The following DOCK7 variants were observed in gnomAD, a reference collection of about 807,000 sequenced individuals.
DOCK7 encodes dedicator of cytokinesis 7.
DOCK7 carries 138 observed loss-of-function variants against 271.0 expected under a neutral mutation model. The observed-to-expected ratio is 0.51, with a 90% confidence interval of 0.44 to 0.59. The LOEUF (loss-of-function observed/expected upper bound fraction) is 0.59, where lower values mean the gene tolerates loss of function less well. DOCK7 is among the 20% of genes least tolerant of loss of function. The pLI is 0.00. For synonymous variants in DOCK7, 823 were observed against 876.1 expected, an observed-to-expected ratio of 0.94 and a Z score of 1.07; for missense variants, 2,066 against 2,592.4, an observed-to-expected ratio of 0.80 and a Z score of 4.41.
intron 1 of DOCK7, chr1:62,687,711 G>T (rs886678056): frequency 5.3e-5 from 8 of 152,332 alleles, no homozygotes; most frequent in African/African-American, 1.7e-4. Context: ...AGAGAGAGAC[G>T]CGTGAAGGAG....
chr1:62,533,748 G>T (rs1014334276), intron 29 of DOCK7, among the ~76,000 whole-genome samples: 1 of 152,156 alleles, frequency 6.6e-6, no homozygotes, highest in African/African-American at 2.4e-5. Context: ...ATTCGGTATT[G>T]ACTATGCCCC....
rs1645952509 is a variant in DOCK7, at chr1:62,475,765, G to C, written c.5903C>G (p.Thr1968Ser). 1 of 1,614,046 alleles carries C rather than the reference G, an allele frequency of 6.2e-7. No homozygotes were observed. Among genetic ancestry groups the C allele is most frequent in the East Asian group, 2.2e-5 (1 of 44,862 alleles). Residue 1968 changes from threonine to serine, a missense_variant, in exon 46 of 50, where the codon ACT (threonine) becomes AGT (serine). Thr to Ser is a moderately conservative substitution (Grantham distance 58, BLOSUM62 1). Around this residue, in one of 2 missense-constraint regions of DOCK7, gnomAD observed 652 missense variants for 922.1 expected, o/e 0.71. Transcript: ENST00000635253. Reference protein sequence around the residue: ...HEQFKRKTILTTSHAFPYIKT... With the variant: ...HEQFKRKTILSTSHAFPYIKT... ...AATATAAGGAAAGGCATGAGACGTA[G>C]TCAGAATGGTCTTCCTTTTGAATTG...
rs1341417715 is a variant in DOCK7 at position 62,528,153 on chromosome 1, T to C, written c.3934A>G (p.Thr1312Ala). Residue 1312 changes from threonine (T) to alanine (A), a missense_variant and splice_region_variant, in exon 31 of 50, where the codon ACG (threonine) becomes GCG (alanine). Physicochemically the swap from Thr to Ala is moderately conservative, Grantham distance 58 (BLOSUM62 0). Around this residue, in one of 2 missense-constraint regions of DOCK7, gnomAD observed 1,414 missense variants for 1,670.4 expected, o/e 0.85. Transcript: ENST00000635253. Reference protein sequence around the residue: ...TRPGSFLLTSTSGRQHTTFSA... With the variant: ...TRPGSFLLTSASGRQHTTFSA... The stretch of plus-strand genomic sequence containing the variant: ...TTCTGTAGGAGGATTGTTTTTACCG[T>C]TGACGTGAGGAGGAAACTGCCAGGC... The C allele has an allele frequency of 1.9e-6, 3 of 1,608,926 alleles. No individual in the cohort carries two copies. In the East Asian group the frequency reaches 6.7e-5, roughly 36 times the overall value.
chr1:62,646,778 T>C (rs1462569653), intron 7 of DOCK7, among the ~76,000 whole-genome samples: 1 of 152,128 alleles, frequency 6.6e-6, no homozygotes, highest in Non-Finnish European at 1.5e-5. Context: ...AGGTAAGGAG[T>C]TTCTTCCTGG....
chr1:62,672,788 A>AC (rs1458909729), intron 1 of DOCK7, among the ~76,000 whole-genome samples: 7 of 152,166 alleles, frequency 4.6e-5, no homozygotes, highest in Non-Finnish European at 1.5e-5. Context: ...TATGAAAGGT[A>AC]GAGGCAGGGT....
rs573535166 is a variant in DOCK7, at chr1:62,609,914, G to A, written c.1682+8792C>T. Among the ~76,000 whole-genome samples the A allele has an allele frequency of 9.2e-5, 14 of 152,124 alleles. 1 individual carries two copies. In the East Asian group the frequency reaches 1.9e-3, roughly 21 times the overall value. ...AGTGGCACTGCACAGTGAGCTGAGT[G>A]ATCTCAGCTCTCTGCAACCTCCGCC... On this transcript the variant is annotated intron_variant, in intron 14 of 49. Coordinates refer to ENST00000635253, the MANE Select transcript of DOCK7 (RefSeq NM_001367561.1).
chr1:62,602,999 C>T (rs1650383325), intron 14 of DOCK7, among the ~76,000 whole-genome samples: 1 of 151,632 alleles, frequency 6.6e-6, no homozygotes. Context: ...TAAGTACTCA[C>T]TTATAAAGTA....
At chr1:62,514,703 T>C (rs965326436) in intron 31 of DOCK7, among the ~76,000 whole-genome samples, 1 of 146,756 alleles carries the variant, frequency 6.8e-6, no homozygotes, top group Non-Finnish European at 1.5e-5. Context: ...CAAGAAACTA[T>C]GCTAATCATG....
intron 48 of DOCK7, among the ~76,000 whole-genome samples, chr1:62,466,145 A>T (rs1307657711): frequency 6.6e-6 from 1 of 152,194 alleles, no homozygotes; most frequent in Non-Finnish European, 1.5e-5. Flanking sequence ...CCCAGATGCC[A>T]ATACAAAAAT....
Position 62,529,272 on chromosome 1 carries a change from G to C in DOCK7, c.3781+5C>G, listed in dbSNP as rs199682893. ...TTTAATATTTGCCTTAATTATACTA[G>C]GTACCTGTAAAATCATACAGCTGAG... On this transcript the variant is annotated splice_donor_5th_base_variant and intron_variant, in intron 30 of 49. Coordinates refer to ENST00000635253, the MANE Select transcript of DOCK7 (RefSeq NM_001367561.1). 2.9e-4 allele frequency: 463 copies of C among 1,589,338 alleles called. No homozygotes were observed. Among genetic ancestry groups the C allele is most frequent in the Admixed American group, 4.6e-4 (25 of 54,302 alleles).
chr1:62,604,321 T>C (rs1413692662), intron 14 of DOCK7: 18 of 1,524,000 alleles, frequency 1.2e-5, no homozygotes, highest in Non-Finnish European at 1.6e-5. Flanking sequence ...ATGACAACTT[T>C]TAAAAATCCG....
chr1:62,475,021 T>G (rs1196316187), intron 47 of DOCK7, among the ~76,000 whole-genome samples, 187 bp downstream of exon 47: 1 of 152,232 alleles, frequency 6.6e-6, no homozygotes, highest in African/African-American at 2.4e-5. Context: ...ACAAGCTTTT[T>G]AAGGAAATAT....
intron 18 of DOCK7, among the ~76,000 whole-genome samples, chr1:62,574,920 G>A (rs533530005): frequency 7.9e-4 from 120 of 152,172 alleles, no homozygotes; most frequent in African/African-American, 2.8e-3. Context: ...TAGTAGAGAA[G>A]GAGTTTTGCC....
chr1:62,637,998 T>G (rs1022463670), intron 7 of DOCK7, among the ~76,000 whole-genome samples: 3 of 152,172 alleles, frequency 2.0e-5, no homozygotes, highest in Non-Finnish European at 4.4e-5. Flanking sequence ...TGTCCACGTG[T>G]CAACCTCTAC....
chr1:62,688,121 CG>C (rs1662050687), intron 1 of DOCK7, 105 bp downstream of exon 1: 2 of 1,177,400 alleles, frequency 1.7e-6, no homozygotes, highest in Non-Finnish European at 2.1e-6. Context: ...CGCGGGATCC[CG>C]GTGCCGGCCC....
chr1:62,670,008 G>C (rs1290598946), intron 1 of DOCK7, among the ~76,000 whole-genome samples: 2 of 152,130 alleles, frequency 1.3e-5, no homozygotes, highest in Admixed American at 1.3e-4. Context: ...TGCTGGCCCC[G>C]GGCAATGGGG....
At chr1:62,472,703 A>G (rs1419355720) in intron 48 of DOCK7, among the ~76,000 whole-genome samples, 1 of 152,218 alleles carries the variant, frequency 6.6e-6, no homozygotes, top group African/African-American at 2.4e-5. Context: ...TAATAAAATT[A>G]ATGCCAGAAA....
intron 14 of DOCK7, among the ~76,000 whole-genome samples, chr1:62,613,970 A>AT (rs1652129070): frequency 6.6e-6 from 1 of 152,102 alleles, no homozygotes; most frequent in African/African-American, 2.4e-5. Context: ...TTAATAGATA[A>AT]TGGCCATATA....
At chr1:62,622,941 CAA>C (rs1653467659) in intron 12 of DOCK7, among the ~76,000 whole-genome samples, 1 of 151,812 alleles carries the variant, frequency 6.6e-6, no homozygotes, top group East Asian at 1.9e-4. Flanking sequence ...AAAACAAAAA[CAA>C]AAACAAAAAA....
Sources: gnomAD v4.1 joint callset for allele counts (sites outside exome capture counted in the v4.1 genomes callset) on GRCh38, gnomAD v4.1.1 for gene constraint, gnomAD v4.1.1 regional missense constraint, MANE v1.5 for transcripts, NCBI Gene and HGNC (gene_info 2026-07-23, HGNC 2026-07-21) for gene names.